Variants in RFC5 observed in about 807,000 individuals in gnomAD.
RFC5 encodes replication factor C subunit 5, also known as A1 36 kDa subunit.
RFC5 carries 26 observed loss-of-function variants against 44.3 expected under a neutral mutation model. The ratio of observed to expected loss-of-function variants is 0.59; its 90% confidence interval spans 0.43 to 0.81. The LOEUF is 0.81. Among genes scored for constraint, RFC5 ranks in the 40% least tolerant of loss-of-function variants. The pLI, the probability that RFC5 is intolerant of heterozygous loss-of-function variation, is 0.00. For missense variants in RFC5, 328 were observed against 418.6 expected (o/e 0.78, Z 1.89); for synonymous variants, 155 against 155.2 (o/e 1.00, Z 0.01).
chr12:118,033,925 TCAA>T, downstream of RFC5: 1 of 438,820 alleles, frequency 2.3e-6, no homozygotes, highest in Non-Finnish European at 4.2e-6. Context: ...CAGAAAGAGT[TCAA>T]CACTTGCTGT....
intron 9 of RFC5, among the ~76,000 whole-genome samples, chr12:118,028,836 T>C (rs2031132237): frequency 6.6e-6 from 1 of 152,178 alleles, no homozygotes; most frequent in African/African-American, 2.4e-5. Flanking sequence ...TCCAGACAAA[T>C]TAAGTCAGCT....
chr12:118,021,729 G>A (rs1487778986), intron 4 of RFC5, among the ~76,000 whole-genome samples: 2 of 151,794 alleles, frequency 1.3e-5, no homozygotes, highest in African/African-American at 4.8e-5. Flanking sequence ...GGCCTAGGCA[G>A]GTGGATCACC....
intron 9 of RFC5, among the ~76,000 whole-genome samples, chr12:118,028,914 A>G (rs1003373056): frequency 6.6e-6 from 1 of 152,194 alleles, no homozygotes; most frequent in Admixed American, 6.5e-5. Context: ...CTTTCGGAGA[A>G]GCTCTTCCTT....
intron 3 of RFC5, among the ~76,000 whole-genome samples, chr12:118,020,514 CTT>C (rs1566121512): frequency 1.3e-5 from 2 of 152,118 alleles, no homozygotes; most frequent in South Asian, 2.1e-4. Flanking sequence ...AAAAGTTTAA[CTT>C]ACTTTTTAGA....
chr12:118,038,867 G>C, the RFC5 span, among the ~76,000 whole-genome samples: 2 of 152,152 alleles, frequency 1.3e-5, no homozygotes, highest in Non-Finnish European at 2.9e-5. Flanking sequence ...TTTTAGTAGA[G>C]ACAGGGTTTC....
At chr12:118,035,188 C>G (rs76419610), downstream of RFC5, 2,152 of 1,613,680 alleles carry the variant, frequency 1.3e-3, 33 homozygotes, top group African/African-American at 0.025. Flanking sequence ...GTTCTGAGGC[C>G]ATGTAAAGAG....
chr12:118,034,506 T>C, downstream of RFC5: 1 of 1,000,586 alleles, frequency 1.0e-6, no homozygotes, highest in Non-Finnish European at 1.4e-6. Context: ...GGATGTAAAA[T>C]TGTGGTGCTG....
chr12:118,036,304 C>T (rs757965840), downstream of RFC5: 2 of 1,598,374 alleles, frequency 1.3e-6, no homozygotes, highest in African/African-American at 1.3e-5. Context: ...TCAGTCCCCC[C>T]ACAAAAAAGT....
chr12:118,025,917 C>T (rs1439714992), intron 7 of RFC5, 89 bp downstream of exon 7: 1 of 774,458 alleles, frequency 1.3e-6, no homozygotes, highest in Non-Finnish European at 2.2e-6. Context: ...AACACAATCT[C>T]AGCTCACTGC....
the RFC5 span, among the ~76,000 whole-genome samples, chr12:118,038,620 A>G: frequency 2.0e-5 from 3 of 152,168 alleles, no homozygotes; most frequent in Admixed American, 6.6e-5. Flanking sequence ...ACCAGTACCT[A>G]TGGCTTCAAC....
chr12:118,023,433 G>A (rs1322265434), intron 5 of RFC5, among the ~76,000 whole-genome samples: 1 of 85,392 alleles, frequency 1.2e-5, no homozygotes, highest in Non-Finnish European at 2.4e-5. Flanking sequence ...GGGAGGAAGA[G>A]GAGGGGGTGA....
At chr12:118,033,370 T>C (rs1472036384), downstream of RFC5, 4 of 152,580 alleles carry the variant, frequency 2.6e-5, no homozygotes, top group Non-Finnish European at 5.9e-5. Context: ...GGTTTTTAGA[T>C]AATCGAGAAA....
At chr12:118,026,500 G>A (rs886167742) in intron 7 of RFC5, among the ~76,000 whole-genome samples, 11 of 152,196 alleles carry the variant, frequency 7.2e-5, no homozygotes, top group African/African-American at 1.4e-4. Flanking sequence ...TCAGGAGGCT[G>A]AGGCAGGAGG....
the RFC5 span, among the ~76,000 whole-genome samples, chr12:118,039,934 C>T: frequency 7.9e-5 from 12 of 151,798 alleles, no homozygotes; most frequent in East Asian, 1.2e-3. Context: ...TTAGTAGAGC[C>T]GGAGTTTCAC....
At chr12:118,037,448 C>T (rs1386489688), downstream of RFC5, among the ~76,000 whole-genome samples, 1 of 152,110 alleles carries the variant, frequency 6.6e-6, no homozygotes, top group Non-Finnish European at 1.5e-5. Flanking sequence ...GGGCGGATCA[C>T]CTGAGGTCAG....
chr12:118,034,574 G>GCTCTCTCCCTCTCTCTCTCTCTCTCT (rs2031456562), downstream of RFC5: 2 of 512,474 alleles, frequency 3.9e-6, no homozygotes, highest in Non-Finnish European at 6.7e-6. Context: ...ATACCAAAGC[G>GCTCTCTCCCTCTCTCTCTCTCTCTCT]CTCTCTCTGT....
At chr12:118,021,031 A>G (rs1361822108) in intron 4 of RFC5, 46 bp downstream of exon 4, 9 of 1,197,484 alleles carry the variant, frequency 7.5e-6, no homozygotes, top group African/African-American at 1.5e-5. Context: ...TTGATTAGTA[A>G]GATGATATGG....
Position 118,019,745 on chromosome 12 carries a change from G to C in RFC5, c.244G>C (p.Glu82Gln). The change falls in exon 3 of 11, where the codon GAA becomes CAA. Residue 82 changes from glutamate (E) to glutamine (Q), a missense_variant. Transcript: ENST00000454402. The surrounding 1 kb of genome is among the most constrained non-coding windows in gnomAD (Gnocchi z 4.2). ...ACAKQLYKDK[E>Q]FGSMVLELNA... ...TGCGAAACAGCTATATAAAGACAAA[G>C]AATTTGGCTCCATGGTCTTGGAGGT... The C allele has an allele frequency of 6.2e-7, 1 of 1,613,966 alleles. No homozygotes were observed.
intron 3 of RFC5, 77 bp from the exon 4 acceptor site, chr12:118,020,829 G>C (rs2030433702): frequency 2.3e-6 from 2 of 881,810 alleles, no homozygotes; most frequent in Non-Finnish European, 3.8e-6. Flanking sequence ...GACTGATGAG[G>C]AAATACACTA....
Sources: gnomAD v4.1 joint callset for allele counts (sites outside exome capture counted in the v4.1 genomes callset) on GRCh38, gnomAD v4.1.1 for gene constraint, Gnocchi (gnomAD v3.1) non-coding constraint, MANE v1.5 for transcripts, NCBI Gene and HGNC (gene_info 2026-07-23, HGNC 2026-07-21) for gene names.